The following CADM2 variants were observed in gnomAD, a reference collection of about 807,000 sequenced individuals.
CADM2 encodes the protein immunoglobulin superfamily member 4D.
In CADM2, 12 loss-of-function variants were observed where a neutral mutation model predicts 49.8. The observed-to-expected ratio is 0.24, with a 90% CI of 0.15 to 0.39. The LOEUF (loss-of-function observed/expected upper bound fraction) is 0.39. Among genes scored for constraint, CADM2 ranks in the 10% least tolerant of loss-of-function variants. The pLI, the probability that CADM2 is intolerant of heterozygous loss-of-function variation, is 1.00. For synonymous variants in CADM2, 214 were observed against 175.4 expected (o/e 1.22, Z -1.74); for missense variants, 378 against 492.3 (o/e 0.77, Z 2.20).
Position 85,587,416 on chromosome 3 carries a change from T to C in CADM2, c.62-139106T>C, listed in dbSNP as rs114510307. ...ATCCAGATAGGTAGCACCTTATCCT[T>C]ATTCAAAATGAAATGTCTTAGGCAA... On this transcript the variant is annotated intron_variant, in intron 1 of 9. Coordinates refer to ENST00000383699, the MANE Select transcript of CADM2 (RefSeq NM_001167675.2). Among the ~76,000 whole-genome samples the C allele has an allele frequency of 9.0e-3, 1,377 of 152,216 alleles. 21 individuals carry two copies. Among genetic ancestry groups the C allele is most frequent in the African/African-American group, 0.03 (1,247 of 41,552 alleles).
intron 8 of CADM2, among the ~76,000 whole-genome samples, chr3:86,030,386 A>G (rs958057713): frequency 4.6e-5 from 7 of 152,036 alleles, no homozygotes; most frequent in Non-Finnish European, 8.8e-5. Context: ...CTTTTTCCCA[A>G]AGAAATACCT....
At chr3:85,225,496 T>A (rs140873740) in intron 1 of CADM2, among the ~76,000 whole-genome samples, 15 of 152,254 alleles carry the variant, frequency 9.9e-5, no homozygotes, top group Non-Finnish European at 2.1e-4. Flanking sequence ...TTAAGGAGAT[T>A]TTTGGGCTGG....
chr3:85,443,632 C>T (rs1194908826), intron 1 of CADM2, among the ~76,000 whole-genome samples: 5 of 152,104 alleles, frequency 3.3e-5, no homozygotes, highest in Admixed American at 2.6e-4. Flanking sequence ...GACCGATTTG[C>T]AGTTTTCTAC....
intron 1 of CADM2, among the ~76,000 whole-genome samples, chr3:85,594,697 A>G (rs1479357094): frequency 2.0e-5 from 3 of 152,004 alleles, no homozygotes; most frequent in Non-Finnish European, 4.4e-5. Context: ...CACAGTTACC[A>G]TTCTGTTTTT....
chr3:85,144,302 A>G (rs2039666385), intron 1 of CADM2, among the ~76,000 whole-genome samples: 1 of 151,790 alleles, frequency 6.6e-6, no homozygotes, highest in South Asian at 2.1e-4. Flanking sequence ...TGTCTTTAAA[A>G]TATAAACATC....
At chr3:85,551,765 C>G (rs1474515340) in intron 1 of CADM2, among the ~76,000 whole-genome samples, 6 of 152,100 alleles carry the variant, frequency 3.9e-5, no homozygotes, top group Non-Finnish European at 7.3e-5. Flanking sequence ...ACTCTGTACT[C>G]TCTTTTTCAA....
At position 86,049,435 on chromosome 3, in the gene CADM2, C is replaced by T. The variant is rs371913598; in HGVS notation, c.971-16170C>T. Among the ~76,000 whole-genome samples the T allele has an allele frequency of 6.1e-4, 92 of 151,760 alleles. 1 individual carries two copies. In the East Asian group the frequency reaches 7.2e-3, roughly 12 times the overall value. On this transcript the variant is annotated intron_variant, in intron 8 of 9. Transcript: ENST00000383699. ...GACTACAGGCACCCGCCACCACGCC[C>T]GGCTAATTTTTTGTATTTTTAGTAG...
chr3:85,905,285 A>G (rs763306101), intron 5 of CADM2, among the ~76,000 whole-genome samples: 11 of 152,140 alleles, frequency 7.2e-5, no homozygotes, highest in Middle Eastern at 3.2e-3. Flanking sequence ...GAAAAAAGTT[A>G]GTCTGTCTAA....
At chr3:85,979,091 T>C in intron 8 of CADM2, 2 of 1,526,008 alleles carry the variant, frequency 1.3e-6, no homozygotes, top group Non-Finnish European at 1.8e-6. Flanking sequence ...TATGTATTTA[T>C]AATTTGAATC....
chr3:85,221,584 C>T (rs1196074941), intron 1 of CADM2, among the ~76,000 whole-genome samples: 2 of 152,042 alleles, frequency 1.3e-5, no homozygotes, highest in African/African-American at 4.8e-5. Context: ...TACCCTGTAT[C>T]TTTATGGTTA....
In CADM2 at chr3:85,087,075, G is replaced by T. The variant is rs369970757; in HGVS notation, c.61+127407G>T. On this transcript the variant is annotated intron_variant, in intron 1 of 9. Coordinates refer to ENST00000383699, the MANE Select transcript of CADM2 (RefSeq NM_001167675.2). ...ACATAAAGATAAAATTGGAATTCTA[G>T]AGCAGTTTCTTGAGGGAAGCAGCAG... is the stretch of plus-strand genomic sequence containing the variant. Among the ~76,000 whole-genome samples, 83 of 152,218 alleles carry T rather than the reference G, an allele frequency of 5.5e-4. 1 individual carries two copies. In the South Asian group the frequency reaches 8.3e-3, roughly 15 times the overall value.
At chr3:86,043,707 C>A (rs1736256712) in intron 8 of CADM2, among the ~76,000 whole-genome samples, 1 of 152,174 alleles carries the variant, frequency 6.6e-6, no homozygotes, top group South Asian at 2.1e-4. Context: ...TTGGAAAAAA[C>A]TACTTTAAAT....
Position 85,291,965 on chromosome 3 carries a change from A to T in CADM2, c.61+332297A>T, listed in dbSNP as rs1410952016. 5.3e-5 allele frequency among the ~76,000 whole-genome samples: 8 copies of T among 152,084 alleles called. No individual in the cohort carries two copies. In the East Asian group the frequency reaches 1.5e-3, roughly 29 times the overall value. The stretch of plus-strand genomic sequence containing the variant: ...ATTACCTTTAAATGTAAATGGACTA[A>T]ATTCTCCAATTAAAAGACATAGACT... On this transcript the variant is annotated intron_variant, in intron 1 of 9. Transcript: ENST00000383699.
intron 1 of CADM2, among the ~76,000 whole-genome samples, chr3:85,605,847 A>G (rs1278535054): frequency 6.6e-6 from 1 of 152,084 alleles, no homozygotes; most frequent in African/African-American, 2.4e-5. Flanking sequence ...GTCAATGTAC[A>G]GTAACATGTG....
intron 8 of CADM2, among the ~76,000 whole-genome samples, chr3:85,961,897 C>T (rs896405824): frequency 3.3e-5 from 5 of 151,612 alleles, no homozygotes; most frequent in African/African-American, 1.2e-4. Context: ...ATACTTCTTA[C>T]ATGTTGGCTC....
chr3:85,587,213 A>T (rs1399259498), intron 1 of CADM2, among the ~76,000 whole-genome samples: 1 of 152,094 alleles, frequency 6.6e-6, no homozygotes, highest in Non-Finnish European at 1.5e-5. Context: ...CTAGGCCATT[A>T]TGTCTGAGAA....
intron 1 of CADM2, among the ~76,000 whole-genome samples, chr3:85,702,477 T>C (rs1049466788): frequency 1.3e-5 from 2 of 152,156 alleles, no homozygotes; most frequent in African/African-American, 2.4e-5. Flanking sequence ...ATTACCTTGC[T>C]ATTATTATCA....
At chr3:85,115,847 T>C (rs1387737572) in intron 1 of CADM2, among the ~76,000 whole-genome samples, 4 of 152,164 alleles carry the variant, frequency 2.6e-5, no homozygotes, top group African/African-American at 9.6e-5. Flanking sequence ...CAAGTGTGTG[T>C]TGAATTGGAT....
intron 7 of CADM2, among the ~76,000 whole-genome samples, chr3:85,942,203 T>A (rs1329124030): frequency 6.6e-6 from 1 of 151,848 alleles, no homozygotes; most frequent in Non-Finnish European, 1.5e-5. Flanking sequence ...CAGCCCATAT[T>A]TCAATCAAAT....
Sources: allele counts gnomAD v4.1 joint callset (sites outside exome capture counted in the v4.1 genomes callset), GRCh38; gene constraint gnomAD v4.1.1; transcripts MANE v1.5; gene names NCBI Gene and HGNC (gene_info 2026-07-23, HGNC 2026-07-21).